The following PATJ variants were observed in gnomAD, a reference collection of about 807,000 sequenced individuals.
PATJ encodes the protein PATJ crumbs cell polarity complex component, also known as inaD-like protein.
PATJ carries 190 observed loss-of-function variants against 224.9 expected under a neutral mutation model. The ratio of observed to expected loss-of-function variants is 0.84; its 90% confidence interval spans 0.75 to 0.95. The LOEUF (loss-of-function observed/expected upper bound fraction) is 0.95. Among genes scored for constraint, PATJ ranks in the 40% least tolerant of loss-of-function variants. The pLI, the probability that PATJ is intolerant of heterozygous loss-of-function variation, is 0.00. For missense variants in PATJ, 2,121 were observed against 2,270.3 expected, an observed-to-expected ratio of 0.93 and a Z score of 1.34; for synonymous variants, 769 against 820.3, an observed-to-expected ratio of 0.94 and a Z score of 1.07.
At chr1:62,125,243 AAAAAAAAAAAC>A (rs1298838206) in intron 39 of PATJ, among the ~76,000 whole-genome samples, 2 of 114,194 alleles carry the variant, frequency 1.8e-5, no homozygotes, top group African/African-American at 3.5e-5. Flanking sequence ...TCTCAAAAAA[AAAAAAAAAAAC>A]AAAAAAAAAC....
At chr1:62,091,767 T>A (rs1049629257) in intron 33 of PATJ, among the ~76,000 whole-genome samples, 3 of 150,656 alleles carry the variant, frequency 2.0e-5, no homozygotes, top group African/African-American at 7.3e-5. Flanking sequence ...TAAAAAAAAA[T>A]AAAATAGGCT....
chr1:61,830,536 A>T lies in PATJ; in HGVS notation c.1980+2953A>T, dbSNP rs187015420. Among the ~76,000 whole-genome samples the T allele has an allele frequency of 1.6e-3, 242 of 151,742 alleles. 2 individuals are homozygous for T. Among genetic ancestry groups the T allele is most frequent in the African/African-American group, 5.5e-3 (224 of 41,040 alleles). On this transcript the variant is annotated intron_variant, in intron 16 of 43. Transcript: ENST00000642238. Reference sequence around the variant, plus strand: ...AAATTTTAAGGAAATTTTTAGAAAAATTTTTTGGAACCAAAAAAGAGCCCA... The same window carrying T: ...AAATTTTAAGGAAATTTTTAGAAAATTTTTTTGGAACCAAAAAAGAGCCCA...
At chr1:61,918,936 G>A (rs1673865590) in intron 26 of PATJ, among the ~76,000 whole-genome samples, 1 of 149,746 alleles carries the variant, frequency 6.7e-6, no homozygotes, top group Non-Finnish European at 1.5e-5. Flanking sequence ...CCAGCCTAGG[G>A]GACAGGGCAA....
At chr1:61,783,826 C>G (rs1468597261) in intron 7 of PATJ, among the ~76,000 whole-genome samples, 1 of 147,082 alleles carries the variant, frequency 6.8e-6, no homozygotes, top group Non-Finnish European at 1.5e-5. Flanking sequence ...TGGCTCACTG[C>G]ATCCTCCACC....
At chr1:62,142,793 G>C (rs528425046) in intron 41 of PATJ, among the ~76,000 whole-genome samples, 26 of 152,312 alleles carry the variant, frequency 1.7e-4, no homozygotes, top group African/African-American at 6.0e-4. Context: ...TCCCCGCCTG[G>C]AGAGGGAACT....
chr1:62,128,892 C>CA lies in PATJ; in HGVS notation c.5219dup (p.His1740GlnfsTer6), dbSNP rs1290731745. On this transcript the variant is annotated frameshift_variant, in exon 41 of 44. Coordinates refer to ENST00000642238, the MANE Select transcript of PATJ (RefSeq NM_001350145.3). LOFTEE classifies it high-confidence loss of function. The stretch of plus-strand genomic sequence containing the variant: ...CGGGCAACCTTTGGATGGGCTGTCT[C>CA]ACGCGGATGTGGTTAATCTGCTGAA... 1.2e-6 allele frequency: 2 copies of CA among 1,613,740 alleles called. No homozygotes were observed. Among genetic ancestry groups the CA allele is most frequent in the Non-Finnish European group, 8.5e-7 (1 of 1,179,672 alleles).
chr1:61,996,745 T>TC (rs202086181), intron 28 of PATJ, among the ~76,000 whole-genome samples: 72 of 127,928 alleles, frequency 5.6e-4, no homozygotes, highest in African/African-American at 1.9e-3. Context: ...TCTTTTCTTT[T>TC]TTTTTTTTTT....
intron 22 of PATJ, among the ~76,000 whole-genome samples, chr1:61,897,393 GT>G (rs775201124): frequency 6.6e-6 from 1 of 152,164 alleles, no homozygotes; most frequent in Non-Finnish European, 1.5e-5. Flanking sequence ...ATAAAGGCAA[GT>G]TTTTTTCATG....
intron 40 of PATJ, chr1:62,128,404 TAGA>T: frequency 3.2e-6 from 1 of 308,166 alleles, no homozygotes; most frequent in Non-Finnish European, 6.0e-6. Flanking sequence ...CATTTGACCT[TAGA>T]GTCTTCCCTC....
rs748772822 is a variant in PATJ, at chr1:61,914,665, G to A, written c.3570+1G>A. The A allele has an allele frequency of 2.9e-5, 45 of 1,552,384 alleles. No individual in the cohort carries two copies. Among genetic ancestry groups the A allele is most frequent in the South Asian group, 5.6e-5 (5 of 88,712 alleles). Reference sequence around the variant, plus strand: ...GGACACCCAAGAAAAGAAAGAAAAGGTAACTTGAACCTCTCAAGGATTTAA... The same window carrying A: ...GGACACCCAAGAAAAGAAAGAAAAGATAACTTGAACCTCTCAAGGATTTAA... On this transcript the variant is annotated splice_donor_variant, in intron 26 of 43. Coordinates refer to ENST00000642238, the MANE Select transcript of PATJ (RefSeq NM_001350145.3). LOFTEE classifies it high-confidence loss of function.
At chr1:61,915,588 G>A (rs1009407294) in intron 26 of PATJ, among the ~76,000 whole-genome samples, 1 of 151,854 alleles carries the variant, frequency 6.6e-6, no homozygotes, top group Non-Finnish European at 1.5e-5. Flanking sequence ...AACTTAGAAA[G>A]AAGTTATATC....
chr1:61,953,285 AAG>A (rs1404247024), intron 27 of PATJ, among the ~76,000 whole-genome samples: 7 of 151,790 alleles, frequency 4.6e-5, no homozygotes, highest in Non-Finnish European at 7.3e-5. Flanking sequence ...TTGTTAACTC[AAG>A]AGTTAGACAT....
At chr1:62,095,222 TAAG>T (rs1661260051) in intron 33 of PATJ, among the ~76,000 whole-genome samples, 1 of 152,150 alleles carries the variant, frequency 6.6e-6, no homozygotes, top group South Asian at 2.1e-4. Flanking sequence ...ATTGTTAAAA[TAAG>T]AAAAAAATTA....
intron 12 of PATJ, among the ~76,000 whole-genome samples, chr1:61,803,151 C>T (rs1652880667): frequency 6.6e-6 from 1 of 152,084 alleles, no homozygotes; most frequent in Non-Finnish European, 1.5e-5. Flanking sequence ...TTTATTATTA[C>T]AATGACAAGA....
chr1:61,965,192 A>G (rs112275191), intron 27 of PATJ, among the ~76,000 whole-genome samples: 1 of 134,154 alleles, frequency 7.5e-6, no homozygotes, highest in South Asian at 2.6e-4. Flanking sequence ...TTGAAGCTTT[A>G]TTATTTTCTA....
chr1:61,763,573 T>G (rs1176192675), intron 3 of PATJ, among the ~76,000 whole-genome samples: 1 of 151,658 alleles, frequency 6.6e-6, no homozygotes, highest in Non-Finnish European at 1.5e-5. Flanking sequence ...TAGAATATGG[T>G]TTTTGTACTT....
intron 34 of PATJ, among the ~76,000 whole-genome samples, chr1:62,110,647 T>C (rs1320102306): frequency 6.6e-6 from 1 of 152,076 alleles, no homozygotes; most frequent in African/African-American, 2.4e-5. Flanking sequence ...TCTCATACCC[T>C]CCCCGCAGTC....
At chr1:62,034,442 CAA>C (rs58542108) in intron 29 of PATJ, among the ~76,000 whole-genome samples, 27,311 of 100,198 alleles carry the variant, frequency 0.27, 1,979 homozygotes, top group South Asian at 0.39. Flanking sequence ...GACTCTGTCT[CAA>C]AAAAAAAAAA....
intron 1 of PATJ, among the ~76,000 whole-genome samples, chr1:61,761,442 G>C (rs1645967550): frequency 6.6e-6 from 1 of 152,122 alleles, no homozygotes; most frequent in Non-Finnish European, 1.5e-5. Flanking sequence ...GTAATAAAGG[G>C]TAGATTAACA....
Sources: allele counts gnomAD v4.1 joint callset (sites outside exome capture counted in the v4.1 genomes callset), GRCh38; gene constraint gnomAD v4.1.1; transcripts MANE v1.5; gene names NCBI Gene and HGNC (gene_info 2026-07-23, HGNC 2026-07-21).